DPP10: variants seen among roughly 807,000 people sequenced by gnomAD.
The protein encoded by DPP10 is dipeptidyl peptidase like 10, also known as inactive dipeptidyl peptidase 10.
A neutral mutation model predicts 120.9 loss-of-function variants in DPP10; 33 were observed. The observed-to-expected ratio is 0.27, with a 90% CI of 0.21 to 0.37. The LOEUF (loss-of-function observed/expected upper bound fraction) is 0.37. Among genes scored for constraint, DPP10 ranks in the 10% least tolerant of loss-of-function variants. The pLI is 1.00. For missense variants in DPP10, 816 were observed against 942.8 expected, an observed-to-expected ratio of 0.87 and a Z score of 1.76; for synonymous variants, 337 against 326.1, an observed-to-expected ratio of 1.03 and a Z score of -0.36.
chr2:114,980,634 GA>G (rs145634895), intron 1 of DPP10, among the ~76,000 whole-genome samples: 36,012 of 122,658 alleles, frequency 0.29, 4,390 homozygotes, highest in East Asian at 0.38. Context: ...AGAATCTACT[GA>G]AAAAAAAAAA....
intron 5 of DPP10, among the ~76,000 whole-genome samples, chr2:115,597,232 C>G (rs2083046253): frequency 6.6e-6 from 1 of 152,132 alleles, no homozygotes; most frequent in African/African-American, 2.4e-5. Flanking sequence ...AGTCAGCACA[C>G]TCTATAATCA....
chr2:114,890,948 A>G (rs1269458898), intron 1 of DPP10, among the ~76,000 whole-genome samples: 1 of 151,986 alleles, frequency 6.6e-6, no homozygotes, highest in Non-Finnish European at 1.5e-5. Context: ...CAATATAGCC[A>G]AATGCTGTTG....
intron 2 of DPP10, among the ~76,000 whole-genome samples, chr2:115,322,271 A>G (rs2062099115): frequency 6.6e-6 from 1 of 151,990 alleles, no homozygotes; most frequent in Non-Finnish European, 1.5e-5. Context: ...AATCACTATT[A>G]TTCACCATGT....
intron 3 of DPP10, among the ~76,000 whole-genome samples, chr2:115,475,213 C>T (rs2074998060): frequency 6.6e-6 from 1 of 152,176 alleles, no homozygotes; most frequent in Non-Finnish European, 1.5e-5. Context: ...GGGCCAAGTC[C>T]AGGGCCCCAC....
chr2:114,508,940 C>G (rs921357767), intron 1 of DPP10, among the ~76,000 whole-genome samples: 1 of 151,706 alleles, frequency 6.6e-6, no homozygotes, highest in South Asian at 2.1e-4. Context: ...ATAGACTTAG[C>G]TAGGATGGGC....
At chr2:114,923,505 G>A (rs1574493315) in intron 1 of DPP10, among the ~76,000 whole-genome samples, 1 of 93,926 alleles carries the variant, frequency 1.1e-5, no homozygotes. Flanking sequence ...TTTTGACAGA[G>A]TCTCACTCTG....
chr2:114,963,757 C>A (rs116668509), intron 1 of DPP10, among the ~76,000 whole-genome samples: 2 of 152,136 alleles, frequency 1.3e-5, no homozygotes, highest in Admixed American at 1.3e-4. Flanking sequence ...TAAGACTTCA[C>A]ACAGAGGGTC....
chr2:114,869,686 A>G (rs1312831883), intron 1 of DPP10, among the ~76,000 whole-genome samples: 1 of 152,204 alleles, frequency 6.6e-6, no homozygotes, highest in Non-Finnish European at 1.5e-5. Flanking sequence ...TCCCTATCTC[A>G]GGGCATTGCA....
intron 1 of DPP10, among the ~76,000 whole-genome samples, chr2:115,153,573 T>C (rs959317613): frequency 1.3e-5 from 2 of 152,216 alleles, no homozygotes; most frequent in Non-Finnish European, 2.9e-5. Flanking sequence ...AGAAGTGGTG[T>C]AAATGTTGTA....
At chr2:115,647,976 T>C (rs72947995) in intron 5 of DPP10, among the ~76,000 whole-genome samples, 6,392 of 152,214 alleles carry the variant, frequency 0.042, 447 homozygotes, top group African/African-American at 0.14. Context: ...ATGTGACTAA[T>C]GCAGTAAAGA....
At chr2:114,550,114 T>G (rs1449772049) in intron 1 of DPP10, among the ~76,000 whole-genome samples, 1 of 152,174 alleles carries the variant, frequency 6.6e-6, no homozygotes, top group Admixed American at 6.5e-5. Context: ...GCTTCTGGCC[T>G]CCCTCATTTT....
At chr2:115,454,159 T>A (rs922699444) in intron 3 of DPP10, among the ~76,000 whole-genome samples, 2 of 151,526 alleles carry the variant, frequency 1.3e-5, no homozygotes, top group African/African-American at 2.4e-5. Flanking sequence ...GAAATAGTAG[T>A]AATCTTTCCT....
chr2:115,605,709 C>T (rs1044485464), intron 5 of DPP10, among the ~76,000 whole-genome samples: 1 of 152,056 alleles, frequency 6.6e-6, no homozygotes. Flanking sequence ...TTTACTCTCT[C>T]TCTCTCTTTT....
intron 21 of DPP10, among the ~76,000 whole-genome samples, chr2:115,816,549 T>C (rs17655578): frequency 0.081 from 12,385 of 152,218 alleles, 673 homozygotes; most frequent in Non-Finnish European, 0.12. Context: ...TTCAACATTA[T>C]TTTGACAGTG....
At chr2:115,284,714 G>GT (rs1483811565) in intron 1 of DPP10, among the ~76,000 whole-genome samples, 2 of 151,922 alleles carry the variant, frequency 1.3e-5, no homozygotes, top group East Asian at 3.9e-4. Context: ...AAACATGTGG[G>GT]TTATACACCT....
At chr2:115,565,158 T>A (rs1471832699) in intron 5 of DPP10, among the ~76,000 whole-genome samples, 1 of 152,226 alleles carries the variant, frequency 6.6e-6, no homozygotes, top group East Asian at 1.9e-4. Flanking sequence ...TATATATGTA[T>A]GTAGGTGTCC....
At chr2:115,477,343 A>C (rs930766622) in intron 3 of DPP10, among the ~76,000 whole-genome samples, 11 of 152,206 alleles carry the variant, frequency 7.2e-5, no homozygotes, top group Non-Finnish European at 1.5e-4. Context: ...CACAAAAATC[A>C]GTTGCATTTT....
At chr2:115,646,633 T>C (rs1043514177) in intron 5 of DPP10, among the ~76,000 whole-genome samples, 1 of 152,198 alleles carries the variant, frequency 6.6e-6, no homozygotes. Context: ...CTGAAAGATT[T>C]TGACACCATT....
chr2:114,630,908 G>A (rs1352644764), intron 1 of DPP10, among the ~76,000 whole-genome samples: 1 of 152,018 alleles, frequency 6.6e-6, no homozygotes, highest in Non-Finnish European at 1.5e-5. Context: ...AGTCTCGATT[G>A]AACTATCTGG....
Sources: gnomAD v4.1 joint callset for allele counts (sites outside exome capture counted in the v4.1 genomes callset) on GRCh38, gnomAD v4.1.1 for gene constraint, MANE v1.5 for transcripts, NCBI Gene and HGNC (gene_info 2026-07-23, HGNC 2026-07-21) for gene names.